The following PSMD1 variants were observed in gnomAD, a reference collection of about 807,000 sequenced individuals.
PSMD1 encodes 26S proteasome non-ATPase regulatory subunit 1.
Under a neutral mutation model 119.0 loss-of-function variants are expected in PSMD1, and 18 were observed. That is an observed-to-expected ratio of 0.15 (90% CI 0.10 to 0.22). The LOEUF is 0.22. Ranked by LOEUF, PSMD1 falls within the 10% of genes least tolerant of loss-of-function variation. The probability of loss-of-function intolerance (pLI) is 1.00; values close to 1 mark genes in which losing one functional copy is unlikely to be tolerated. For missense variants in PSMD1, 702 were observed against 1,158.5 expected, an observed-to-expected ratio of 0.61 and a Z score of 5.72; for synonymous variants, 374 against 396.6, an observed-to-expected ratio of 0.94 and a Z score of 0.68.
intron 18 of PSMD1, among the ~76,000 whole-genome samples, chr2:231,148,263 T>C (rs1696292876): frequency 6.6e-6 from 1 of 152,234 alleles, no homozygotes; most frequent in Non-Finnish European, 1.5e-5. Context: ...AAACAAATTT[T>C]GGTCATGGAA....
intron 15 of PSMD1, among the ~76,000 whole-genome samples, chr2:231,086,745 A>G (rs1694453088): frequency 6.6e-6 from 1 of 152,152 alleles, no homozygotes; most frequent in African/African-American, 2.4e-5. Flanking sequence ...AAATTTTTCA[A>G]TAACTTTTTC....
intron 2 of PSMD1, among the ~76,000 whole-genome samples, chr2:231,061,584 A>G (rs1037765918): frequency 6.6e-5 from 10 of 151,560 alleles, no homozygotes; most frequent in African/African-American, 1.9e-4. Context: ...TTCTTTTTTG[A>G]GACAGAGTCT....
chr2:231,157,789 A>T (rs1184706922), intron 19 of PSMD1, among the ~76,000 whole-genome samples: 1 of 151,166 alleles, frequency 6.6e-6, no homozygotes, highest in African/African-American at 2.4e-5. Context: ...CTGGTCGCAA[A>T]CTCCTAATCT....
At chr2:231,087,016 G>C (rs1462624436) in intron 15 of PSMD1, 101 bp from the exon 16 acceptor site, 1 of 842,016 alleles carries the variant, frequency 1.2e-6, no homozygotes, top group Non-Finnish European at 2.0e-6. Flanking sequence ...CCTATCAGTA[G>C]TGAGGTATAC....
intron 16 of PSMD1, among the ~76,000 whole-genome samples, chr2:231,125,852 T>G (rs1695706065): frequency 6.6e-6 from 1 of 152,214 alleles, no homozygotes; most frequent in Admixed American, 6.5e-5. Context: ...ATTAATTACT[T>G]ATAAATCAGT....
At chr2:231,073,476 A>G (rs1694087772) in intron 7 of PSMD1, among the ~76,000 whole-genome samples, 1 of 151,762 alleles carries the variant, frequency 6.6e-6, no homozygotes, top group Non-Finnish European at 1.5e-5. Context: ...TACAATTTTG[A>G]TTCTTTTTTC....
chr2:231,072,233 A>G lies in PSMD1; in HGVS notation c.699A>G (p.Leu233=), dbSNP rs1694059052. The change falls in exon 7 of 25, where the codon TTA becomes TTG. Residue 233 remains leucine (L), a synonymous_variant. Transcript: ENST00000308696. ...LDDPQAVSDI[L]EKLVKEDNLL... The stretch of plus-strand genomic sequence containing the variant: ...ATCCTCAGGCTGTGAGTGATATCTT[A>G]GAGAAACTGGTAAAGGAAGACAACC... 2 of 1,613,816 alleles carry G rather than the reference A, an allele frequency of 1.2e-6. No homozygotes were observed. The highest frequency in any genetic ancestry group is 2.7e-5 in the African/African-American group (2 of 75,044).
At position 231,161,519 on chromosome 2, in the gene PSMD1, T is replaced by C; in HGVS notation, c.2388+10T>C. ...TAACAAGGACTTAAAGGTATGTCTG[T>C]GAGACCTCAGCTTTGTAGTATTTCC... On this transcript the variant is annotated intron_variant, in intron 20 of 24. Coordinates refer to ENST00000308696, the MANE Select transcript of PSMD1 (RefSeq NM_002807.4). 6.2e-7 allele frequency: 1 copy of C among 1,607,994 alleles called. No homozygotes were observed. Among genetic ancestry groups the C allele is most frequent in the Non-Finnish European group, 8.5e-7 (1 of 1,175,430 alleles).
chr2:231,061,221 T>C (rs1219533091), intron 1 of PSMD1, 46 bp from the exon 2 acceptor site: 5 of 1,480,176 alleles, frequency 3.4e-6, no homozygotes, highest in Admixed American at 1.9e-5. Flanking sequence ...ATTTCCACTT[T>C]AGTGAGAATG....
At position 231,066,957 on chromosome 2, in the gene PSMD1, C is replaced by A; in HGVS notation, c.356C>A (p.Pro119His). The A allele has an allele frequency of 6.2e-7, 1 of 1,612,680 alleles. No homozygotes were observed. The highest frequency in any genetic ancestry group is 1.1e-5 in the South Asian group (1 of 90,776). ...CAATGTGTGGAAAATGCAGATTTGC[C>A]TGAAGGAGAAAAAAAACCAATTGAC... ...TKQCVENADL[P>H]EGEKKPIDQR... Residue 119 changes from proline (P) to histidine (H), a missense_variant, in exon 5 of 25, where the codon CCT (proline) becomes CAT (histidine). Pro to His is a moderately conservative substitution (Grantham distance 77, BLOSUM62 -2). This residue lies in a region of PSMD1 where 50 missense variants were observed against 41.8 expected (regional missense o/e 1.20). Transcript: ENST00000308696.
chr2:231,114,961 C>G (rs1375195397), intron 16 of PSMD1, among the ~76,000 whole-genome samples: 1 of 152,112 alleles, frequency 6.6e-6, no homozygotes, highest in East Asian at 1.9e-4. Context: ...GTGAGATTAT[C>G]TAAGTCTCTT....
chr2:231,108,743 G>A, intron 16 of PSMD1: 1 of 1,614,102 alleles, frequency 6.2e-7, no homozygotes, highest in Non-Finnish European at 8.5e-7. Context: ...TTTTCTGAGA[G>A]TTTTTACTGA....
chr2:231,097,431 T>C (rs1378052177), intron 16 of PSMD1, among the ~76,000 whole-genome samples: 1 of 152,218 alleles, frequency 6.6e-6, no homozygotes, highest in East Asian at 1.9e-4. Flanking sequence ...AACAGTGTTG[T>C]TTGGGATAAA....
intron 16 of PSMD1, among the ~76,000 whole-genome samples, chr2:231,136,357 C>A (rs1695964660): frequency 6.6e-6 from 1 of 152,178 alleles, no homozygotes; most frequent in African/African-American, 2.4e-5. Flanking sequence ...ATATTCCCAT[C>A]TTAAATGGTG....
intron 10 of PSMD1, 52 bp from the exon 11 acceptor site, chr2:231,079,484 A>T: frequency 7.8e-7 from 1 of 1,276,696 alleles, no homozygotes; most frequent in Non-Finnish European, 1.1e-6. Flanking sequence ...AAAAAGCTTT[A>T]AGGAATTCAT....
intron 16 of PSMD1, among the ~76,000 whole-genome samples, chr2:231,116,978 G>A (rs1268045642): frequency 6.6e-6 from 1 of 151,912 alleles, no homozygotes; most frequent in Non-Finnish European, 1.5e-5. Flanking sequence ...AAAAGAAAAA[G>A]AGGCTTTTTT....
chr2:231,151,916 G>A (rs1696385256), intron 18 of PSMD1, among the ~76,000 whole-genome samples: 1 of 148,592 alleles, frequency 6.7e-6, no homozygotes, highest in African/African-American at 2.5e-5. Context: ...GGATTCAAGC[G>A]ATTCTCCTGC....
At position 231,170,515 on chromosome 2, in the gene PSMD1, G is replaced by T; in HGVS notation, c.2716-51G>T. On this transcript the variant is annotated intron_variant, in intron 23 of 24. Transcript: ENST00000308696. The surrounding 1 kb of genome is among the most constrained non-coding windows in gnomAD (Gnocchi z 4.1). ...TAACAAGTATTTACTCTAGATTGTG[G>T]AGCACGCTTGAAATATGAGTGTACG... 6.7e-7 allele frequency: 1 copy of T among 1,491,624 alleles called. No homozygotes were observed. The highest frequency in any genetic ancestry group is 1.4e-5 in the South Asian group (1 of 72,374). 92.4% of individuals were successfully genotyped at this position (1,491,624 alleles called of 1,614,324 possible).
chr2:231,123,436 A>G (rs770406210), intron 16 of PSMD1: 56 of 1,613,774 alleles, frequency 3.5e-5, no homozygotes, highest in Admixed American at 1.7e-4. Context: ...CAAGAGGGCA[A>G]TTGGCATCAC....
Sources: allele counts gnomAD v4.1 joint callset (sites outside exome capture counted in the v4.1 genomes callset), GRCh38; gene constraint gnomAD v4.1.1; regional missense constraint gnomAD v4.1.1; non-coding constraint Gnocchi (gnomAD v3.1); transcripts MANE v1.5; gene names NCBI Gene and HGNC (gene_info 2026-07-23, HGNC 2026-07-21).